Variants in CFAP95 observed in about 807,000 individuals in gnomAD.
The protein encoded by CFAP95 is cilia- and flagella-associated protein 95.
the CFAP95 span, among the ~76,000 whole-genome samples, chr9:69,823,394 A>G: frequency 6.6e-6 from 1 of 152,200 alleles, no homozygotes; most frequent in Non-Finnish European, 1.5e-5. Context: ...CCGTATCAGT[A>G]GCTAACACTA....
the CFAP95 span, chr9:69,820,970 G>A: frequency 1.2e-6 from 2 of 1,613,850 alleles, no homozygotes; most frequent in African/African-American, 1.3e-5. Context: ...GGAGCGCAAG[G>A]GCTCCCTGAC....
At chr9:69,834,715 A>C in the CFAP95 span, among the ~76,000 whole-genome samples, 18 of 152,334 alleles carry the variant, frequency 1.2e-4, no homozygotes, top group Non-Finnish European at 2.5e-4. Flanking sequence ...GGAGAAGATG[A>C]CTTCACTTAT....
At chr9:69,875,139 C>G in the CFAP95 span, among the ~76,000 whole-genome samples, 6,184 of 152,164 alleles carry the variant, frequency 0.041, 385 homozygotes, top group African/African-American at 0.14. Context: ...CAAAAGACCA[C>G]CTTATTTCAA....
At chr9:69,865,297 T>C in the CFAP95 span, among the ~76,000 whole-genome samples, 1 of 152,170 alleles carries the variant, frequency 6.6e-6, no homozygotes, top group African/African-American at 2.4e-5. Flanking sequence ...CAGTTCTTTA[T>C]AGCACTGTGA....
the CFAP95 span, among the ~76,000 whole-genome samples, chr9:69,850,084 C>A: frequency 6.6e-6 from 1 of 152,126 alleles, no homozygotes; most frequent in Admixed American, 6.5e-5. Flanking sequence ...GAGGCTGATA[C>A]TAAAGTGAGA....
the CFAP95 span, among the ~76,000 whole-genome samples, chr9:69,837,022 T>C: frequency 2.5e-4 from 38 of 151,496 alleles, no homozygotes; most frequent in Admixed American, 5.9e-4. Context: ...AGAATGATGA[T>C]TTCCAATTTC....
At chr9:69,886,279 A>C in the CFAP95 span, among the ~76,000 whole-genome samples, 16 of 152,160 alleles carry the variant, frequency 1.1e-4, no homozygotes, top group Non-Finnish European at 2.1e-4. Flanking sequence ...CGAGCTGTCA[A>C]GTGCTTCCTT....
At chr9:69,898,611 G>A in the CFAP95 span, among the ~76,000 whole-genome samples, 3 of 152,272 alleles carry the variant, frequency 2.0e-5, no homozygotes, top group African/African-American at 4.8e-5. Flanking sequence ...AAATAAGGAT[G>A]AGTGTCTGTG....
At chr9:69,849,310 G>A in the CFAP95 span, among the ~76,000 whole-genome samples, 6 of 152,022 alleles carry the variant, frequency 3.9e-5, no homozygotes, top group African/African-American at 1.4e-4. Context: ...AGGAAGAAAT[G>A]AAGTAAGGGA....
the CFAP95 span, among the ~76,000 whole-genome samples, chr9:69,860,345 G>C: frequency 6.6e-6 from 1 of 152,006 alleles, no homozygotes; most frequent in South Asian, 2.1e-4. Flanking sequence ...CAAGAGAGAG[G>C]GGAGGAGGTG....
chr9:69,838,709 T>C, the CFAP95 span, among the ~76,000 whole-genome samples: 73 of 150,618 alleles, frequency 4.8e-4, 4 homozygotes, highest in Non-Finnish European at 1.5e-5. Context: ...CTTTTCCTAA[T>C]TGAATACCCT....
At chr9:69,820,888 C>A in the CFAP95 span, 7 of 1,613,858 alleles carry the variant, frequency 4.3e-6, no homozygotes, top group East Asian at 1.1e-4. Context: ...CCATGGATAG[C>A]CTTGACAGAT....
chr9:69,826,302 G>A, the CFAP95 span, among the ~76,000 whole-genome samples: 1 of 152,268 alleles, frequency 6.6e-6, no homozygotes, highest in Non-Finnish European at 1.5e-5. Context: ...ATAGAAAAGA[G>A]AGTGTCTGAA....
the CFAP95 span, among the ~76,000 whole-genome samples, chr9:69,849,357 G>GGGAGGGAGGAAGGGGA: frequency 1.5e-4 from 23 of 152,196 alleles, no homozygotes; most frequent in Middle Eastern, 3.4e-3. Context: ...AAAGAAGGAA[G>GGGAGGGAGGAAGGGGA]GGAGGGAGGA....
chr9:69,821,484 G>A, the CFAP95 span, among the ~76,000 whole-genome samples: 2 of 152,152 alleles, frequency 1.3e-5, no homozygotes, highest in South Asian at 2.1e-4. Flanking sequence ...TCAGAGGCCT[G>A]GAAATCACAT....
chr9:69,887,737 G>A, the CFAP95 span, among the ~76,000 whole-genome samples: 1 of 152,060 alleles, frequency 6.6e-6, no homozygotes, highest in Non-Finnish European at 1.5e-5. Context: ...GAGTTGAGGT[G>A]ATCAGTAGAA....
chr9:69,905,139 T>C, the CFAP95 span, among the ~76,000 whole-genome samples: 1 of 152,202 alleles, frequency 6.6e-6, no homozygotes. Flanking sequence ...ATGGACACTA[T>C]TAAGGTTGAA....
At chr9:69,887,087 C>T in the CFAP95 span, among the ~76,000 whole-genome samples, 11 of 152,078 alleles carry the variant, frequency 7.2e-5, no homozygotes, top group African/African-American at 2.7e-4. Flanking sequence ...GGATGTTTAT[C>T]GATTTCAGGG....
the CFAP95 span, among the ~76,000 whole-genome samples, chr9:69,854,621 A>T: frequency 6.6e-6 from 1 of 151,860 alleles, no homozygotes; most frequent in Non-Finnish European, 1.5e-5. Flanking sequence ...TCCACTCTCC[A>T]CTCTTCTCAC....
Sources: gnomAD v4.1 joint callset for allele counts (sites outside exome capture counted in the v4.1 genomes callset) on GRCh38, gnomAD v4.1.1 for gene constraint, MANE v1.5 for transcripts, NCBI Gene and HGNC (gene_info 2026-07-23, HGNC 2026-07-21) for gene names.